The following TAOK2 variants were observed in gnomAD, a reference collection of about 807,000 sequenced individuals.
TAOK2 encodes the protein serine/threonine-protein kinase TAO2.
In TAOK2, 42 loss-of-function variants were observed where a neutral mutation model predicts 122.5. The observed-to-expected ratio is 0.34, with a 90% confidence interval of 0.27 to 0.44. The LOEUF is 0.44. Among genes scored for constraint, TAOK2 ranks in the 20% least tolerant of loss-of-function variants. The pLI is 1.00. For synonymous variants in TAOK2, 704 were observed against 677.6 expected (o/e 1.04, Z -0.61); for missense variants, 1,264 against 1,644.9 (o/e 0.77, Z 4.01).
In TAOK2 at chr16:29,983,541, G is replaced by T. The variant is rs1414977223; in HGVS notation, c.1299G>T (p.Glu433Asp). Residue 433 changes from glutamate (E) to aspartate (D), a missense_variant, in exon 13 of 16, where the codon GAG becomes GAT. Around this residue, in one of 4 missense-constraint regions of TAOK2, gnomAD observed 122 missense variants for 116.7 expected, o/e 1.04. Coordinates refer to ENST00000308893, the MANE Select transcript of TAOK2 (RefSeq NM_016151.4). ...TATATGATGACCCCTACCAGCCAGAGATAACCCCCAGCCCTCTCCAGCCGC... is the reference window on the plus strand; with the variant it reads ...TATATGATGACCCCTACCAGCCAGATATAACCCCCAGCCCTCTCCAGCCGC... ...DNLYDDPYQPEITPSPLQPPA... is the reference protein window; with the variant it reads ...DNLYDDPYQPDITPSPLQPPA... 1 of 1,613,640 alleles carries T rather than the reference G, an allele frequency of 6.2e-7. No homozygotes were observed. The highest frequency in any genetic ancestry group is 8.5e-7 in the Non-Finnish European group (1 of 1,179,820).
chr16:29,991,586 C>A, downstream of TAOK2: 1 of 1,455,710 alleles, frequency 6.9e-7, no homozygotes, highest in Non-Finnish European at 9.1e-7. This position sits in a 1 kb window ranked among gnomAD's most constrained non-coding sequence, Gnocchi z 5.6. Flanking sequence ...CGGGGAGGAG[C>A]AGATGAGCTG....
rs2069559148 is a variant in TAOK2 at position 29,979,653 on chromosome 16, A to G, written c.655+145A>G. 8.1e-6 allele frequency: 5 copies of G among 616,580 alleles called. No individual in the cohort carries two copies. In the East Asian group the frequency reaches 1.5e-4, roughly 19 times the overall value. 38.2% of individuals were successfully genotyped at this position (616,580 alleles called of 1,614,324 possible). A position where few individuals can be genotyped will look rare whatever the true frequency, so the allele number is the denominator to read the frequency against. ...GTGACTCTACCCTGGAGCCCAATAC[A>G]GGCAGCTGGCAAATTCTGCCAGCTC... On this transcript the variant is annotated intron_variant, in intron 8 of 15. Coordinates refer to ENST00000308893, the MANE Select transcript of TAOK2 (RefSeq NM_016151.4). This position sits in a 1 kb window ranked among gnomAD's most constrained non-coding sequence, Gnocchi z 4.1.
rs919570391 is a variant in TAOK2, at chr16:29,979,239, T to C, written c.494T>C (p.Val165Ala). The C allele has an allele frequency of 2.5e-6, 4 of 1,614,082 alleles. No individual in the cohort carries two copies. The highest frequency in any genetic ancestry group is 3.4e-6 in the Non-Finnish European group (4 of 1,180,044). ...GNILLSEPGL[V>A]KLGDFGSASI... ...ATCCTGCTGTCAGAGCCAGGGTTAG[T>C]GAAGCTAGGGGACTTTGGTTCTGCG... The change falls in exon 7 of 16, where the codon GTG (valine) becomes GCG (alanine). Residue 165 changes from valine (V) to alanine (A), a missense_variant. This residue lies in a region of TAOK2 where 254 missense variants were observed against 503.8 expected (regional missense o/e 0.50). Transcript: ENST00000308893. This position sits in a 1 kb window ranked among gnomAD's most constrained non-coding sequence, Gnocchi z 4.1.
Position 29,977,754 on chromosome 16 carries a change from AG to A in TAOK2, c.-16del, listed in dbSNP as rs756914277. The stretch of plus-strand genomic sequence containing the variant: ...ATTCCTCAGGCCAGGCCCCACTCTC[AG>A]GGCCCCCAGGGGCCACCATGCCAGC... On this transcript the variant is annotated 5_prime_UTR_variant, in exon 2 of 16. Transcript: ENST00000308893. 5 of 1,613,316 alleles carry A rather than the reference AG, an allele frequency of 3.1e-6. No individual in the cohort carries two copies. Among genetic ancestry groups the A allele is most frequent in the Non-Finnish European group, 4.2e-6 (5 of 1,179,672 alleles).
rs569219357 is a variant in TAOK2, at chr16:29,982,755, C to T, written c.853C>T (p.Arg285Trp). The T allele has an allele frequency of 3.1e-6, 5 of 1,613,558 alleles. No homozygotes were observed. Among genetic ancestry groups the T allele is most frequent in the South Asian group, 2.2e-5 (2 of 91,052 alleles). ...LLKHRFVLRERPPTVIMDLIQ... is the reference protein window; with the variant it reads ...LLKHRFVLREWPPTVIMDLIQ... The stretch of plus-strand genomic sequence containing the variant: ...CCAGCACCGCTTTGTGCTCCGGGAG[C>T]GGCCACCCACAGTCATCATGGACCT... The change falls in exon 11 of 16, where the codon CGG (arginine) becomes TGG (tryptophan). Residue 285 changes from arginine (R) to tryptophan (W), a missense_variant. Around this residue, in one of 4 missense-constraint regions of TAOK2, gnomAD observed 254 missense variants for 503.8 expected, o/e 0.50. Transcript: ENST00000308893.
chr16:29,988,499 C>T (rs375843276), downstream of TAOK2: 13 of 1,193,196 alleles, frequency 1.1e-5, no homozygotes, highest in East Asian at 2.0e-4. Context: ...CTCTTCACCC[C>T]ATCTCCGTTA....
Position 29,987,971 on chromosome 16 carries a change from CT to C in TAOK2, c.3700del (p.Trp1234GlyfsTer4). 1 of 1,528,112 alleles carries C rather than the reference CT, an allele frequency of 6.5e-7. No homozygotes were observed. The highest frequency in any genetic ancestry group is 1.4e-5 in the African/African-American group (1 of 73,156). 94.7% of individuals were successfully genotyped at this position (1,528,112 alleles called of 1,614,324 possible). On this transcript the variant is annotated frameshift_variant, in exon 16 of 16. Transcript: ENST00000308893. LOFTEE classifies it high-confidence loss of function. The stretch of plus-strand genomic sequence containing the variant: ...CCCGCCAGTCCCGGGCCCTGCCCCC[CT>C]GGAGGTAGCTGACTCCAGCCCTTCC... ...RTRQSRALPP[W>X]R
downstream of TAOK2, chr16:29,988,547 C>A: frequency 1.7e-6 from 2 of 1,151,338 alleles, no homozygotes; most frequent in South Asian, 1.7e-5. Flanking sequence ...ATGCTCTCTG[C>A]CTTCATAGCT....
At chr16:29,983,392 C>A in intron 12 of TAOK2, 60 bp downstream of exon 12, 1 of 1,560,160 alleles carries the variant, frequency 6.4e-7, no homozygotes, top group South Asian at 1.2e-5. Flanking sequence ...TGGGTCTTCG[C>A]CCTCCTTCCC....
chr16:29,977,628 CTCCTCCTCATCAGGGAAT>C (rs1437263644), intron 1 of TAOK2, 92 bp from the exon 2 acceptor site: 11 of 1,046,396 alleles, frequency 1.1e-5, no homozygotes, highest in Non-Finnish European at 1.5e-5. Context: ...TCAGCAGTGC[CTCCTCCTCATCAGGGAAT>C]GAGGGGAGGA....
In TAOK2 at chr16:29,988,157, C is replaced by T; in HGVS notation, c.*177C>T. ...AGGCAGCCTCCTCAGCTGTGGAGTC[C>T]AGCAGTCACTCTGTGTTCTCCTGGC... On this transcript the variant is annotated 3_prime_UTR_variant, in exon 16 of 16. Coordinates refer to ENST00000308893, the MANE Select transcript of TAOK2 (RefSeq NM_016151.4). 7.0e-7 allele frequency: 1 copy of T among 1,433,186 alleles called. No individual in the cohort carries two copies. The highest frequency in any genetic ancestry group is 9.1e-7 in the Non-Finnish European group (1 of 1,098,960). 88.8% of individuals were successfully genotyped at this position (1,433,186 alleles called of 1,614,324 possible).
chr16:29,984,624 A>G (rs2069723307), intron 13 of TAOK2, among the ~76,000 whole-genome samples: 1 of 152,146 alleles, frequency 6.6e-6, no homozygotes, highest in Non-Finnish European at 1.5e-5. Context: ...AGAGCCACTC[A>G]TAGAGTCAAT....
chr16:29,984,422 A>G (rs147197229), intron 13 of TAOK2, among the ~76,000 whole-genome samples: 1 of 152,330 alleles, frequency 6.6e-6, no homozygotes, highest in African/African-American at 2.4e-5. Context: ...CTATGTTTTT[A>G]GATCACGTTC....
At chr16:29,992,090 CTT>C (rs878891173), downstream of TAOK2, 34 of 137,670 alleles carry the variant, frequency 2.5e-4, no homozygotes, top group Non-Finnish European at 2.2e-4. Context: ...TGTCCTTTAT[CTT>C]TTTTTTTTTT....
downstream of TAOK2, chr16:29,990,965 G>C: frequency 6.2e-7 from 1 of 1,610,896 alleles, no homozygotes; most frequent in Non-Finnish European, 8.5e-7. Context: ...CTGGAGCAGC[G>C]GGTAAGGGGC....
In TAOK2 at chr16:29,978,071, T is replaced by C. The variant is rs1567238578; in HGVS notation, c.133-18T>C. ...GCTCTCAATGGGGCCTTCAACACCT[T>C]CTGGTCTGGTCCTCTAGGCCCGGGA... is the stretch of plus-strand genomic sequence containing the variant. On this transcript the variant is annotated intron_variant, in intron 2 of 15. Coordinates refer to ENST00000308893, the MANE Select transcript of TAOK2 (RefSeq NM_016151.4). 6.2e-7 allele frequency: 1 copy of C among 1,614,030 alleles called. No individual in the cohort carries two copies. The highest frequency in any genetic ancestry group is 8.5e-7 in the Non-Finnish European group (1 of 1,179,976).
Position 29,986,375 on chromosome 16 carries a change from G to A in TAOK2, c.2103G>A (p.Thr701=), listed in dbSNP as rs759341875. 6.8e-6 allele frequency: 11 copies of A among 1,607,328 alleles called. No individual in the cohort carries two copies. The highest frequency in any genetic ancestry group is 3.3e-5 in the South Asian group (3 of 90,528). The change falls in exon 16 of 16, where the codon ACG becomes ACA. Residue 701 remains threonine, a synonymous_variant. Transcript: ENST00000308893. The surrounding 1 kb of genome is among the most constrained non-coding windows in gnomAD (Gnocchi z 4.2). The stretch of plus-strand genomic sequence containing the variant: ...GGCAGCTCCAGGCCGTGCAGCGCAC[G>A]CGGGCTGAGCTCACCCGCCTGCAGC... ...ELRQLQAVQR[T]RAELTRLQHQ...
rs775995264 is a variant in TAOK2, at chr16:29,983,242, G to A, written c.1170G>A (p.Glu390=). The part of the protein sequence containing the change: ...EEEEEEEEEE[E]EEGPEAREMA... ...AGGAGGAGGAGGAAGAGGAGGAGGA[G>A]GAAGAAGGCCCTGAAGCCCGGGAGA... The change falls in exon 12 of 16, where the codon GAG becomes GAA. Residue 390 remains glutamate, a synonymous_variant. Coordinates refer to ENST00000308893, the MANE Select transcript of TAOK2 (RefSeq NM_016151.4). The A allele has an allele frequency of 4.3e-6, 7 of 1,611,498 alleles. No homozygotes were observed. Among genetic ancestry groups the A allele is most frequent in the East Asian group, 4.5e-5 (2 of 44,890 alleles).
At position 29,987,681 on chromosome 16, in the gene TAOK2, C is replaced by T; in HGVS notation, c.3409C>T (p.Pro1137Ser). The T allele has an allele frequency of 6.2e-7, 1 of 1,614,016 alleles. No homozygotes were observed. The highest frequency in any genetic ancestry group is 8.5e-7 in the Non-Finnish European group (1 of 1,179,936). Residue 1137 changes from proline (P) to serine (S), a missense_variant, in exon 16 of 16, where the codon CCC becomes TCC. Around this residue, in one of 4 missense-constraint regions of TAOK2, gnomAD observed 824 missense variants for 908.7 expected, o/e 0.91. Coordinates refer to ENST00000308893, the MANE Select transcript of TAOK2 (RefSeq NM_016151.4). ...LPVPGPRRRN[P>S]RTTQHPLALL... ...CGTCCCTGGGCCCCGGCGGCGTAAT[C>T]CCCGCACCACCCAACACCCATTAGC...
Sources: gnomAD v4.1 joint callset for allele counts (sites outside exome capture counted in the v4.1 genomes callset) on GRCh38, gnomAD v4.1.1 for gene constraint, gnomAD v4.1.1 regional missense constraint, Gnocchi (gnomAD v3.1) non-coding constraint, MANE v1.5 for transcripts, NCBI Gene and HGNC (gene_info 2026-07-23, HGNC 2026-07-21) for gene names.